PTPRD: variants seen among roughly 807,000 people sequenced by gnomAD.
The protein encoded by PTPRD is receptor-type tyrosine-protein phosphatase delta.
Under a neutral mutation model 214.5 loss-of-function variants are expected in PTPRD, and 34 were observed. The ratio of observed to expected loss-of-function variants is 0.16; its 90% confidence interval spans 0.12 to 0.21. The LOEUF (loss-of-function observed/expected upper bound fraction) is 0.21, where lower values mean the gene tolerates loss of function less well. Among genes scored for constraint, PTPRD ranks in the 10% least tolerant of loss-of-function variants. PTPRD has a pLI of 1.00. For synonymous variants in PTPRD, 1,128 were observed against 845.7 expected, an observed-to-expected ratio of 1.33 and a Z score of -5.79; for missense variants, 2,545 against 2,398.7, an observed-to-expected ratio of 1.06 and a Z score of -1.27.
At chr9:9,620,145 T>C (rs2095156972) in intron 7 of PTPRD, among the ~76,000 whole-genome samples, 2 of 152,116 alleles carry the variant, frequency 1.3e-5, no homozygotes, top group Admixed American at 1.3e-4. Flanking sequence ...TCTAATTTCC[T>C]ACTTAATGTT....
chr9:10,096,584 T>C (rs973013796), intron 3 of PTPRD, among the ~76,000 whole-genome samples: 4 of 151,950 alleles, frequency 2.6e-5, no homozygotes, highest in Admixed American at 6.6e-5. Flanking sequence ...TTTGATGGGG[T>C]TTTTTGTTTT....
At chr9:8,605,717 G>A (rs906032190) in intron 14 of PTPRD, among the ~76,000 whole-genome samples, 5 of 152,188 alleles carry the variant, frequency 3.3e-5, no homozygotes, top group Admixed American at 1.3e-4. Context: ...ATCAGTGCAC[G>A]TTGGTTCCCT....
intron 39 of PTPRD, among the ~76,000 whole-genome samples, chr9:8,368,524 C>G (rs1264193953): frequency 1.3e-5 from 2 of 152,128 alleles, no homozygotes; most frequent in East Asian, 3.8e-4. Context: ...GGCCTCACCT[C>G]TCTTCCACTG....
chr9:8,940,944 T>TAG (rs2099030295), intron 11 of PTPRD, among the ~76,000 whole-genome samples: 1 of 152,120 alleles, frequency 6.6e-6, no homozygotes, highest in African/African-American at 2.4e-5. Context: ...CTTAAAAGAC[T>TAG]TAGTTCAAAG....
intron 12 of PTPRD, among the ~76,000 whole-genome samples, chr9:8,643,595 A>G (rs1175112429): frequency 6.6e-6 from 1 of 152,190 alleles, no homozygotes; most frequent in Admixed American, 6.5e-5. Context: ...CACCACCACC[A>G]CTGCTGCCTC....
At chr9:10,220,686 G>A (rs918261639) in intron 3 of PTPRD, among the ~76,000 whole-genome samples, 1 of 151,778 alleles carries the variant, frequency 6.6e-6, no homozygotes, top group African/African-American at 2.4e-5. Flanking sequence ...ATGGTGCATT[G>A]TAAAAAGTAT....
intron 9 of PTPRD, among the ~76,000 whole-genome samples, chr9:9,271,351 T>A (rs1339335745): frequency 7.9e-5 from 12 of 151,182 alleles, no homozygotes; most frequent in Non-Finnish European, 1.8e-4. Flanking sequence ...GAAAAGTACG[T>A]TCACCTTCTC....
chr9:9,054,313 T>C (rs2225482), intron 10 of PTPRD, among the ~76,000 whole-genome samples: 75,573 of 151,964 alleles, frequency 0.5, 19,683 homozygotes, highest in East Asian at 0.82. Flanking sequence ...TTGCGTCTTG[T>C]TCATGTTTTA....
At chr9:9,644,831 C>T (rs934013927) in intron 7 of PTPRD, among the ~76,000 whole-genome samples, 3 of 152,252 alleles carry the variant, frequency 2.0e-5, no homozygotes, top group Admixed American at 6.5e-5. Context: ...AGCATCTCAA[C>T]GTCAAGAGGA....
At chr9:8,672,705 T>G (rs956061078) in intron 12 of PTPRD, among the ~76,000 whole-genome samples, 1 of 152,120 alleles carries the variant, frequency 6.6e-6, no homozygotes, top group South Asian at 2.1e-4. Flanking sequence ...GTCCCTGAAA[T>G]AGTATTCCTT....
intron 8 of PTPRD, among the ~76,000 whole-genome samples, chr9:9,399,722 C>A (rs1159652435): frequency 6.6e-6 from 1 of 151,958 alleles, no homozygotes; most frequent in Non-Finnish European, 1.5e-5. Context: ...AAGGGGAGTT[C>A]CCCTGCACAC....
intron 2 of PTPRD, among the ~76,000 whole-genome samples, chr9:10,371,940 G>A (rs556771797): frequency 1.3e-5 from 2 of 152,060 alleles, no homozygotes; most frequent in African/African-American, 4.8e-5. Context: ...CTTGGGTCAT[G>A]GAAATGACCC....
intron 4 of PTPRD, among the ~76,000 whole-genome samples, chr9:9,974,658 C>T (rs1324639901): frequency 6.6e-6 from 1 of 152,138 alleles, no homozygotes; most frequent in Non-Finnish European, 1.5e-5. Context: ...TTGAAAACCT[C>T]CTTAAAACAC....
intron 7 of PTPRD, among the ~76,000 whole-genome samples, chr9:9,580,783 T>A (rs142395590): frequency 0.011 from 1,618 of 151,860 alleles, 16 homozygotes; most frequent in Non-Finnish European, 0.016. Flanking sequence ...TCCTGACCTC[T>A]TGTGATCCAC....
intron 9 of PTPRD, among the ~76,000 whole-genome samples, chr9:9,208,020 C>CTGTTTTTTTTTT (rs2099945993): frequency 1.9e-5 from 1 of 53,260 alleles, no homozygotes; most frequent in African/African-American, 5.4e-5. Context: ...TATATATCTG[C>CTGTTTTTTTTTT]TTTTTTTTTT....
chr9:9,508,496 A>G (rs533873688), intron 8 of PTPRD, among the ~76,000 whole-genome samples: 30 of 151,768 alleles, frequency 2.0e-4, no homozygotes, highest in Non-Finnish European at 4.0e-4. Flanking sequence ...CTTTTTCTCC[A>G]TATATTTCTC....
At chr9:9,801,253 C>T (rs1219332020) in intron 5 of PTPRD, among the ~76,000 whole-genome samples, 1 of 151,908 alleles carries the variant, frequency 6.6e-6, no homozygotes, top group Non-Finnish European at 1.5e-5. Context: ...CATATAAGTC[C>T]TCTCTTGACA....
At chr9:8,614,326 C>T (rs987431653) in intron 14 of PTPRD, among the ~76,000 whole-genome samples, 10 of 152,240 alleles carry the variant, frequency 6.6e-5, no homozygotes, top group African/African-American at 2.2e-4. Context: ...TAAGGTCAAA[C>T]AAGGCAACCA....
rs183275561 is a variant in PTPRD at position 9,894,638 on chromosome 9, T to G, written c.-368+43869A>C. ...CTCTGTACTCCCACATCACACTGCA[T>G]GCTTTTCTTCCTAAGAACTTTCATA... On this transcript the variant is annotated intron_variant, in intron 5 of 45. Coordinates refer to ENST00000381196, the MANE Select transcript of PTPRD (RefSeq NM_002839.4). 5.3e-5 allele frequency among the ~76,000 whole-genome samples: 8 copies of G among 152,180 alleles called. No individual in the cohort carries two copies. In the East Asian group the frequency reaches 1.4e-3, roughly 26 times the overall value.
Sources: gnomAD v4.1 joint callset for allele counts (sites outside exome capture counted in the v4.1 genomes callset) on GRCh38, gnomAD v4.1.1 for gene constraint, MANE v1.5 for transcripts, NCBI Gene and HGNC (gene_info 2026-07-23, HGNC 2026-07-21) for gene names.